Variants in GRIN2B observed in about 807,000 individuals in gnomAD.
The protein encoded by GRIN2B is glutamate ionotropic receptor NMDA type subunit 2B.
Under a neutral mutation model 114.5 loss-of-function variants are expected in GRIN2B, and 5 were observed. That is an observed-to-expected ratio of 0.04 (90% CI 0.02 to 0.09). GRIN2B has a LOEUF of 0.09. GRIN2B is among the 10% of genes least tolerant of loss of function. The pLI, the probability that GRIN2B is intolerant of heterozygous loss-of-function variation, is 1.00. For synonymous variants in GRIN2B, 787 were observed against 745.1 expected (o/e 1.06, Z -0.92); for missense variants, 1,108 against 1,943.5 (o/e 0.57, Z 8.08).
At chr12:13,865,532 T>C (rs1865812651) in intron 3 of GRIN2B, among the ~76,000 whole-genome samples, 1 of 152,014 alleles carries the variant, frequency 6.6e-6, no homozygotes, top group Non-Finnish European at 1.5e-5. Context: ...CTCGGGAGGC[T>C]GAGGCAGGAG....
intron 2 of GRIN2B, among the ~76,000 whole-genome samples, chr12:13,968,904 G>T (rs1867833001): frequency 6.6e-6 from 1 of 152,336 alleles, no homozygotes; most frequent in East Asian, 1.9e-4. Flanking sequence ...GTTTGAGAAA[G>T]AAATAGATGC....
chr12:13,616,081 G>A (rs1364953023), intron 6 of GRIN2B, among the ~76,000 whole-genome samples: 1 of 152,108 alleles, frequency 6.6e-6, no homozygotes, highest in East Asian at 1.9e-4. Context: ...ACTTTTAAAA[G>A]CATAGATTAG....
rs548759656 is a variant in GRIN2B, at chr12:13,575,707, C to A, written c.2011-3743G>T. Reference sequence around the variant, plus strand: ...TAATAATAATAATAATCAAAATAATCAGAAAAACCAAGCAGTCAGTACTGG... The same window carrying A: ...TAATAATAATAATAATCAAAATAATAAGAAAAACCAAGCAGTCAGTACTGG... On this transcript the variant is annotated intron_variant, in intron 10 of 13. Transcript: ENST00000609686. 1.7e-3 allele frequency among the ~76,000 whole-genome samples: 236 copies of A among 138,054 alleles called. 1 individual carries two copies. Among genetic ancestry groups the A allele is most frequent in the Non-Finnish European group, 3.1e-3 (195 of 62,642 alleles). 90.6% of individuals were successfully genotyped at this position (138,054 alleles called of 152,430 possible). A position where few individuals can be genotyped will look rare whatever the true frequency, so the allele number is the denominator to read the frequency against.
intron 10 of GRIN2B, among the ~76,000 whole-genome samples, chr12:13,588,035 C>T (rs921914923): frequency 2.0e-5 from 3 of 152,216 alleles, no homozygotes; most frequent in African/African-American, 2.4e-5. Context: ...TGGGATACTT[C>T]CTCACCTACC....
At chr12:13,703,093 T>G (rs578060314) in intron 4 of GRIN2B, among the ~76,000 whole-genome samples, 1 of 152,332 alleles carries the variant, frequency 6.6e-6, no homozygotes, top group Non-Finnish European at 1.5e-5. Context: ...GAATCACCAC[T>G]ACATTTTTAT....
rs78919214 is a variant in GRIN2B at position 13,569,445 on chromosome 12, A to C, written c.2359+385T>G. ...ATGCACACTGGTAAAACACCATGTG[A>C]ACATGAATCAGAGGTCAGGGGTATG... On this transcript the variant is annotated intron_variant, in intron 12 of 13. Transcript: ENST00000609686. 3.9e-3 allele frequency among the ~76,000 whole-genome samples: 588 copies of C among 152,346 alleles called. 3 individuals carry two copies. Among genetic ancestry groups the C allele is most frequent in the African/African-American group, 0.013 (559 of 41,576 alleles).
At chr12:13,918,365 A>G (rs1328531266) in intron 2 of GRIN2B, among the ~76,000 whole-genome samples, 5 of 152,196 alleles carry the variant, frequency 3.3e-5, no homozygotes, top group African/African-American at 1.2e-4. Context: ...TGACTGCACC[A>G]CTGTACTCCA....
At position 13,546,773 on chromosome 12, in the gene GRIN2B, A is replaced by G. The variant is rs1486555535; in HGVS notation, c.*16010T>C. 1 of 152,222 alleles carries G rather than the reference A, an allele frequency of 6.6e-6. No homozygotes were observed. The highest frequency in any genetic ancestry group is 1.5e-5 in the Non-Finnish European group (1 of 68,042). 9.4% of individuals were successfully genotyped at this position (152,222 alleles called of 1,614,324 possible). A position where few individuals can be genotyped will look rare whatever the true frequency, so the allele number is the denominator to read the frequency against. Reference sequence around the variant, plus strand: ...ATAGTGTCACATTACCAGCATGTTCAAGCTAGACATCCTCCATCACAAAGG... The same window carrying G: ...ATAGTGTCACATTACCAGCATGTTCGAGCTAGACATCCTCCATCACAAAGG... On this transcript the variant is annotated 3_prime_UTR_variant, in exon 14 of 14. Coordinates refer to ENST00000609686, the MANE Select transcript of GRIN2B (RefSeq NM_000834.5).
At chr12:13,808,746 AAAAAAAATATAT>A (rs1338052114) in intron 3 of GRIN2B, among the ~76,000 whole-genome samples, 1 of 40,414 alleles carries the variant, frequency 2.5e-5, no homozygotes, top group Admixed American at 3.5e-4. Flanking sequence ...AGTATAATAA[AAAAAAAATATAT>A]ATATATATAT....
intron 4 of GRIN2B, among the ~76,000 whole-genome samples, chr12:13,688,507 C>T (rs922918789): frequency 6.6e-6 from 1 of 152,104 alleles, no homozygotes; most frequent in African/African-American, 2.4e-5. Context: ...TTCACAAGCA[C>T]TAACCCAAAA....
chr12:13,701,365 G>T (rs985974453), intron 4 of GRIN2B, among the ~76,000 whole-genome samples: 1 of 152,168 alleles, frequency 6.6e-6, no homozygotes, highest in East Asian at 1.9e-4. Flanking sequence ...AATTCATGGG[G>T]TGTCATAATC....
At chr12:13,799,700 A>T (rs1669010587) in intron 3 of GRIN2B, among the ~76,000 whole-genome samples, 1 of 151,220 alleles carries the variant, frequency 6.6e-6, no homozygotes, top group African/African-American at 2.4e-5. Context: ...AGCAGGAGAG[A>T]GGGGGGGAAA....
At chr12:13,587,344 CTTTTTTT>C (rs112925422) in intron 10 of GRIN2B, among the ~76,000 whole-genome samples, 6 of 138,976 alleles carry the variant, frequency 4.3e-5, no homozygotes, top group Admixed American at 2.9e-4. Flanking sequence ...CTTTTTATTT[CTTTTTTT>C]TTTTTTTGTA....
intron 5 of GRIN2B, among the ~76,000 whole-genome samples, chr12:13,665,563 T>C (rs533748225): frequency 6.6e-6 from 1 of 152,262 alleles, no homozygotes; most frequent in African/African-American, 2.4e-5. Flanking sequence ...CAAACGGAGC[T>C]AGATGTAAAT....
intron 2 of GRIN2B, among the ~76,000 whole-genome samples, chr12:13,923,859 AC>A (rs1021007046): frequency 3.8e-4 from 58 of 152,252 alleles, no homozygotes; most frequent in African/African-American, 1.2e-3. Context: ...GGATGTTTCT[AC>A]CATTGAACAA....
intron 5 of GRIN2B, among the ~76,000 whole-genome samples, chr12:13,627,789 A>G (rs1200012351): frequency 6.6e-6 from 1 of 152,172 alleles, no homozygotes; most frequent in Non-Finnish European, 1.5e-5. Context: ...GTCACAGCCA[A>G]ACGCACTCAG....
rs565139455 is a variant in GRIN2B at position 13,588,808 on chromosome 12, G to A, written c.2011-16844C>T. On this transcript the variant is annotated intron_variant, in intron 10 of 13. Coordinates refer to ENST00000609686, the MANE Select transcript of GRIN2B (RefSeq NM_000834.5). The stretch of plus-strand genomic sequence containing the variant: ...ACCAGTAGGAGGGCTTCTGACCACC[G>A]TGTGTTCTCTTCCATAACTCACAGC... Among the ~76,000 whole-genome samples the A allele has an allele frequency of 1.7e-3, 259 of 152,308 alleles. 1 individual carries two copies. Among genetic ancestry groups the A allele is most frequent in the Non-Finnish European group, 2.5e-3 (169 of 68,032 alleles).
At chr12:13,893,236 G>A (rs191458752) in intron 2 of GRIN2B, among the ~76,000 whole-genome samples, 125 of 152,166 alleles carry the variant, frequency 8.2e-4, no homozygotes, top group Non-Finnish European at 9.6e-4. Flanking sequence ...TATTCATAGG[G>A]CTTACATACA....
chr12:13,859,556 G>A (rs529603939), intron 3 of GRIN2B, among the ~76,000 whole-genome samples: 10 of 152,294 alleles, frequency 6.6e-5, no homozygotes, highest in African/African-American at 2.2e-4. Context: ...TATAGTTCAA[G>A]TAGGGAAAAT....
Sources: gnomAD v4.1 joint callset for allele counts (sites outside exome capture counted in the v4.1 genomes callset) on GRCh38, gnomAD v4.1.1 for gene constraint, MANE v1.5 for transcripts, NCBI Gene and HGNC (gene_info 2026-07-23, HGNC 2026-07-21) for gene names.